RALGAPA1: variants seen among roughly 807,000 people sequenced by gnomAD.
The protein encoded by RALGAPA1 is Ral GTPase activating protein catalytic subunit alpha 1, also known as ral GTPase-activating protein subunit alpha-1.
RALGAPA1 carries 52 observed loss-of-function variants against 269.6 expected under a neutral mutation model. The observed-to-expected ratio is 0.19, with a 90% CI of 0.15 to 0.24. RALGAPA1 has a LOEUF of 0.24. Among genes scored for constraint, RALGAPA1 ranks in the 10% least tolerant of loss-of-function variants. RALGAPA1 has a pLI of 1.00. For missense variants in RALGAPA1, 1,917 were observed against 3,013.9 expected, an observed-to-expected ratio of 0.64 and a Z score of 8.52; for synonymous variants, 817 against 1,008.3, an observed-to-expected ratio of 0.81 and a Z score of 3.60.
chr14:35,804,900 G>A (rs2077248081), intron 1 of RALGAPA1, among the ~76,000 whole-genome samples: 1 of 152,092 alleles, frequency 6.6e-6, no homozygotes, highest in South Asian at 2.1e-4. Context: ...CGGTACTCCA[G>A]CCAGAGTGAC....
chr14:35,552,298 C>G (rs891613638), intron 39 of RALGAPA1, among the ~76,000 whole-genome samples: 5 of 152,090 alleles, frequency 3.3e-5, no homozygotes, highest in Admixed American at 6.6e-5. Context: ...AAGTTCCAAA[C>G]AGTGCTGTTA....
At chr14:35,632,751 G>A (rs2061434955) in intron 33 of RALGAPA1, among the ~76,000 whole-genome samples, 1 of 152,072 alleles carries the variant, frequency 6.6e-6, no homozygotes, top group South Asian at 2.1e-4. Context: ...TCTCAAATCA[G>A]ACTTGTTCAA....
chr14:35,753,346 G>C (rs2072897467), intron 7 of RALGAPA1, among the ~76,000 whole-genome samples: 2 of 152,096 alleles, frequency 1.3e-5, no homozygotes, highest in Non-Finnish European at 2.9e-5. Flanking sequence ...GGGGAGGGGA[G>C]AAAGCTTTTT....
At chr14:35,776,604 T>C (rs1009646462) in intron 1 of RALGAPA1, among the ~76,000 whole-genome samples, 1 of 152,082 alleles carries the variant, frequency 6.6e-6, no homozygotes, top group African/African-American at 2.4e-5. Flanking sequence ...GATGTCAAAG[T>C]ATATGGCAGT....
chr14:35,566,925 A>ATATG (rs1376141660), intron 39 of RALGAPA1, among the ~76,000 whole-genome samples: 2 of 149,186 alleles, frequency 1.3e-5, no homozygotes, highest in Admixed American at 1.3e-4. Context: ...ATATATATGC[A>ATATG]TATGTATGTA....
chr14:35,752,045 T>A lies in RALGAPA1; in HGVS notation c.781A>T (p.Ser261Cys), dbSNP rs972574653. ...YIFPNICKEN[S>C]LYHPILDIPQ... ...CTACCAAGTATAGGATGATATAAAC[T>A]GTTTTCCTTACAGATGTTTGGAAAA... The change falls in exon 8 of 42, where the codon AGT becomes TGT. Residue 261 changes from serine to cysteine, a missense_variant. Coordinates refer to ENST00000680220, the MANE Select transcript of RALGAPA1 (RefSeq NM_001346249.2). 6.3e-7 allele frequency: 1 copy of A among 1,582,860 alleles called. No homozygotes were observed. The highest frequency in any genetic ancestry group is 8.5e-7 in the Non-Finnish European group (1 of 1,169,726).
intron 39 of RALGAPA1, chr14:35,564,364 C>A (rs2056527152): frequency 1.3e-5 from 2 of 152,028 alleles, no homozygotes; most frequent in East Asian, 1.9e-4. Flanking sequence ...TACTGACAGA[C>A]CCCCCCAAAA....
intron 26 of RALGAPA1, among the ~76,000 whole-genome samples, chr14:35,666,482 C>T (rs1210941537): frequency 6.6e-6 from 1 of 152,184 alleles, no homozygotes; most frequent in Non-Finnish European, 1.5e-5. Flanking sequence ...GTGTCAGTCT[C>T]CCAAAGTGTT....
intron 39 of RALGAPA1, among the ~76,000 whole-genome samples, chr14:35,560,016 A>C (rs889187429): frequency 1.3e-5 from 2 of 152,262 alleles, no homozygotes; most frequent in African/African-American, 4.8e-5. Flanking sequence ...ACTGGCTATT[A>C]GCCTGGCAAT....
At chr14:35,774,056 A>G (rs1595510110) in intron 3 of RALGAPA1, among the ~76,000 whole-genome samples, 2 of 151,880 alleles carry the variant, frequency 1.3e-5, no homozygotes, top group Non-Finnish European at 2.9e-5. Context: ...TAGCACTACA[A>G]GCGCCTGCCA....
At chr14:35,688,393 C>G in intron 18 of RALGAPA1, 66 bp downstream of exon 18, 1 of 1,521,370 alleles carries the variant, frequency 6.6e-7, no homozygotes, top group Non-Finnish European at 8.8e-7. Flanking sequence ...TAGCTTGCTT[C>G]AGTTGCATTA....
chr14:35,542,410 A>T (rs1284379705), intron 41 of RALGAPA1: 1 of 157,690 alleles, frequency 6.3e-6, no homozygotes, highest in Non-Finnish European at 1.4e-5. Flanking sequence ...ATTTTCCTCA[A>T]AAACAATTCT....
At chr14:35,620,522 C>A (rs1032726497) in intron 35 of RALGAPA1, among the ~76,000 whole-genome samples, 18 of 152,086 alleles carry the variant, frequency 1.2e-4, no homozygotes, top group African/African-American at 9.6e-5. Flanking sequence ...GGCAATCAAG[C>A]AGGAGAAAGA....
intron 16 of RALGAPA1, among the ~76,000 whole-genome samples, chr14:35,719,769 GCCCTCTGTCGCT>G (rs148689149): frequency 0.34 from 52,190 of 151,380 alleles, 12,416 homozygotes; most frequent in African/African-American, 0.66. Context: ...AGACAGAGTC[GCCCTCTGTCGCT>G]CCCTCTGTCG....
intron 8 of RALGAPA1, among the ~76,000 whole-genome samples, chr14:35,751,341 C>T (rs1175774595): frequency 6.6e-6 from 1 of 152,112 alleles, no homozygotes; most frequent in African/African-American, 2.4e-5. Context: ...TGATTGAACC[C>T]CCATATGGGG....
chr14:35,643,316 G>C (rs1160597300), intron 31 of RALGAPA1, among the ~76,000 whole-genome samples: 1 of 151,902 alleles, frequency 6.6e-6, no homozygotes, highest in African/African-American at 2.4e-5. Context: ...ATGTACCCTA[G>C]AACTTAAAGT....
chr14:35,723,736 A>G (rs141484907), intron 14 of RALGAPA1: 48 of 152,332 alleles, frequency 3.2e-4, no homozygotes, highest in African/African-American at 1.1e-3. Flanking sequence ...AGTTTTGAAA[A>G]TGTATACATA....
rs771973738 is a variant in RALGAPA1, at chr14:35,539,592, G to A, written c.*122C>T. ...GAACGACGCAGCTTCATGGACATGCGGCTTTTGCTAGTTCGAGGAGACATT... is the reference window on the plus strand; with the variant it reads ...GAACGACGCAGCTTCATGGACATGCAGCTTTTGCTAGTTCGAGGAGACATT... On this transcript the variant is annotated 3_prime_UTR_variant, in exon 42 of 42. Coordinates refer to ENST00000680220, the MANE Select transcript of RALGAPA1 (RefSeq NM_001346249.2). 5.0e-6 allele frequency: 8 copies of A among 1,613,768 alleles called. No individual in the cohort carries two copies. Among genetic ancestry groups the A allele is most frequent in the Non-Finnish European group, 5.9e-6 (7 of 1,179,998 alleles).
At chr14:35,805,677 C>G (rs1437527301) in intron 1 of RALGAPA1, among the ~76,000 whole-genome samples, 1 of 147,720 alleles carries the variant, frequency 6.8e-6, no homozygotes, top group East Asian at 2.0e-4. Context: ...TATATTTTTT[C>G]TTTTTCTTTT....
Sources: allele counts gnomAD v4.1 joint callset (sites outside exome capture counted in the v4.1 genomes callset), GRCh38; gene constraint gnomAD v4.1.1; transcripts MANE v1.5; gene names NCBI Gene and HGNC (gene_info 2026-07-23, HGNC 2026-07-21).